The following DPP6 variants were observed in gnomAD, a reference collection of about 807,000 sequenced individuals.
The protein encoded by DPP6 is dipeptidyl peptidase like 6.
Under a neutral mutation model 122.6 loss-of-function variants are expected in DPP6, and 69 were observed. The observed-to-expected ratio is 0.56, with a 90% CI of 0.46 to 0.69. The LOEUF is 0.69. DPP6 is among the 30% of genes least tolerant of loss of function. DPP6 has a pLI of 0.00. For missense variants in DPP6, 928 were observed against 1,116.9 expected (o/e 0.83, Z 2.41); for synonymous variants, 418 against 433.1 (o/e 0.97, Z 0.43).
chr7:154,012,768 C>T (rs1798208087), intron 1 of DPP6, among the ~76,000 whole-genome samples: 1 of 152,092 alleles, frequency 6.6e-6, no homozygotes, highest in South Asian at 2.1e-4. Context: ...TTATTTTTTC[C>T]TAGTTATTGG....
intron 1 of DPP6, among the ~76,000 whole-genome samples, chr7:154,031,841 A>G (rs572997009): frequency 2.7e-5 from 4 of 146,676 alleles, no homozygotes; most frequent in Admixed American, 2.0e-4. Flanking sequence ...CAGGAGTCTC[A>G]TTCTTTTTTC....
chr7:153,922,162 A>G (rs888166046), intron 1 of DPP6, among the ~76,000 whole-genome samples: 6 of 152,148 alleles, frequency 3.9e-5, no homozygotes, highest in African/African-American at 1.4e-4. Flanking sequence ...CCACGCTCAT[A>G]CAAACTGTAA....
chr7:154,375,047 C>G (rs1045787545), intron 1 of DPP6, among the ~76,000 whole-genome samples: 2 of 152,136 alleles, frequency 1.3e-5, no homozygotes, highest in Non-Finnish European at 2.9e-5. Context: ...AGCACATGGG[C>G]TTGCAAACCG....
At chr7:154,390,364 T>G (rs916703141) in intron 1 of DPP6, among the ~76,000 whole-genome samples, 2 of 151,988 alleles carry the variant, frequency 1.3e-5, no homozygotes, top group Non-Finnish European at 2.9e-5. Context: ...CAGGGAGGCT[T>G]TGAGTTTTGT....
intron 3 of DPP6, among the ~76,000 whole-genome samples, chr7:154,527,561 G>C (rs1357575340): frequency 4.6e-5 from 7 of 152,220 alleles, no homozygotes; most frequent in Non-Finnish European, 1.0e-4. Flanking sequence ...ATAGAACACT[G>C]TTTCTATTGC....
chr7:154,535,790 C>T (rs1171208963), intron 3 of DPP6, among the ~76,000 whole-genome samples: 1 of 152,028 alleles, frequency 6.6e-6, no homozygotes, highest in Non-Finnish European at 1.5e-5. Flanking sequence ...TACTATGTAT[C>T]ATCAAAATGC....
At chr7:153,967,644 C>G (rs1795822717) in intron 1 of DPP6, among the ~76,000 whole-genome samples, 1 of 152,142 alleles carries the variant, frequency 6.6e-6, no homozygotes, top group African/African-American at 2.4e-5. Context: ...CAGTGTCTCT[C>G]TCTGATTTCC....
At chr7:153,803,135 G>A in the DPP6 span, among the ~76,000 whole-genome samples, 3 of 151,624 alleles carry the variant, frequency 2.0e-5, no homozygotes, top group African/African-American at 7.3e-5. Context: ...CTCCACACTG[G>A]CTTGGTCCAG....
intron 4 of DPP6, among the ~76,000 whole-genome samples, chr7:154,558,111 C>T (rs145682835): frequency 2.4e-4 from 37 of 151,978 alleles, no homozygotes; most frequent in African/African-American, 8.7e-4. Flanking sequence ...CCTCCACCCC[C>T]CCACAGGCCC....
At chr7:154,006,062 T>G (rs986936164) in intron 1 of DPP6, among the ~76,000 whole-genome samples, 1 of 152,108 alleles carries the variant, frequency 6.6e-6, no homozygotes, top group Non-Finnish European at 1.5e-5. Flanking sequence ...GGAACCCAAA[T>G]CTCAGTGGAG....
At chr7:153,791,312 AT>A in the DPP6 span, among the ~76,000 whole-genome samples, 67,044 of 151,630 alleles carry the variant, frequency 0.44, 15,048 homozygotes, top group South Asian at 0.54. Context: ...TTATCGATAG[AT>A]TTTTGCAGTG....
intron 1 of DPP6, among the ~76,000 whole-genome samples, chr7:154,122,669 C>A (rs1480490030): frequency 1.3e-5 from 2 of 152,164 alleles, no homozygotes; most frequent in African/African-American, 4.8e-5. Flanking sequence ...TATGTAATAG[C>A]CCTCTTGTAT....
At chr7:154,401,919 C>T (rs181247548) in intron 1 of DPP6, among the ~76,000 whole-genome samples, 39 of 152,242 alleles carry the variant, frequency 2.6e-4, no homozygotes, top group African/African-American at 7.7e-4. Context: ...CAAACAACCC[C>T]ATCAAAAATT....
chr7:154,228,424 A>G (rs1800733598), intron 1 of DPP6, among the ~76,000 whole-genome samples: 1 of 152,220 alleles, frequency 6.6e-6, no homozygotes. Flanking sequence ...ACTTAGGGAT[A>G]AAAGTAGCTG....
intron 1 of DPP6, among the ~76,000 whole-genome samples, chr7:153,971,007 C>T (rs62484209): frequency 2.1e-4 from 32 of 152,020 alleles, no homozygotes; most frequent in Admixed American, 6.5e-5. Context: ...ATAAGTTTGA[C>T]GATTTCTGCA....
chr7:153,982,902 GCTT>G (rs751207999), intron 1 of DPP6, among the ~76,000 whole-genome samples: 93 of 152,326 alleles, frequency 6.1e-4, no homozygotes, highest in Non-Finnish European at 9.1e-4. Flanking sequence ...ATTGCTGCCT[GCTT>G]CTTCTTCTGG....
chr7:154,019,494 C>A (rs1021953393), intron 1 of DPP6, among the ~76,000 whole-genome samples: 9 of 151,462 alleles, frequency 5.9e-5, no homozygotes, highest in African/African-American at 1.9e-4. Flanking sequence ...TATCCCTCTC[C>A]CTTTCTTTCT....
At position 154,508,842 on chromosome 7, in the gene DPP6, G is replaced by A. The variant is rs78602485; in HGVS notation, c.458-31690G>A. ...AAAGTTGTATAATATAATAATGCAT[G>A]TGAAAATGCTTATAATCTGGTAATG... is the stretch of plus-strand genomic sequence containing the variant. On this transcript the variant is annotated intron_variant, in intron 3 of 25. Transcript: ENST00000377770. Among the ~76,000 whole-genome samples the A allele has an allele frequency of 9.1e-4, 138 of 152,290 alleles. 2 individuals are homozygous for A. The East Asian group carries it at 0.024, about 26-fold the overall frequency.
intron 8 of DPP6, among the ~76,000 whole-genome samples, chr7:154,757,158 G>C (rs1003205748): frequency 4.0e-5 from 6 of 150,846 alleles, no homozygotes; most frequent in African/African-American, 1.5e-4. Flanking sequence ...CACGTACCCT[G>C]AGGAACTTGC....
Sources: allele counts gnomAD v4.1 joint callset (sites outside exome capture counted in the v4.1 genomes callset), GRCh38; gene constraint gnomAD v4.1.1; transcripts MANE v1.5; gene names NCBI Gene and HGNC (gene_info 2026-07-23, HGNC 2026-07-21).